The following LCLAT1 variants were observed in gnomAD, a reference collection of about 807,000 sequenced individuals.
LCLAT1 encodes 1-AGP acyltransferase 8.
LCLAT1 carries 11 observed loss-of-function variants against 30.7 expected under a neutral mutation model. The observed-to-expected ratio is 0.36, with a 90% confidence interval of 0.23 to 0.59. The LOEUF (loss-of-function observed/expected upper bound fraction) is 0.59, where lower values mean the gene tolerates loss of function less well. LCLAT1 is among the 20% of genes least tolerant of loss of function. LCLAT1 has a pLI of 0.77. For missense variants in LCLAT1, 402 were observed against 458.6 expected (o/e 0.88, Z 1.13); for synonymous variants, 155 against 151.3 (o/e 1.02, Z -0.18).
rs1040649253 is a variant in LCLAT1 at position 30,623,984 on chromosome 2, A to T, written c.629-16133A>T. Among the ~76,000 whole-genome samples, 4 of 152,326 alleles carry T rather than the reference A, an allele frequency of 2.6e-5. No homozygotes were observed. In the East Asian group the frequency reaches 7.7e-4, roughly 29 times the overall value. ...CTTTAGCCTTCTTAAAACAATTACC[A>T]GCCAAGAATTTTGTATCCAGCGAAA... On this transcript the variant is annotated intron_variant, in intron 5 of 5. Coordinates refer to ENST00000379509, the MANE Select transcript of LCLAT1 (RefSeq NM_001002257.3).
At chr2:30,554,532 C>T (rs1008209944) in intron 3 of LCLAT1, among the ~76,000 whole-genome samples, 16 of 152,112 alleles carry the variant, frequency 1.1e-4, no homozygotes, top group African/African-American at 3.1e-4. Flanking sequence ...GTCTTTAGCC[C>T]TCATGTCTCT....
intron 5 of LCLAT1, among the ~76,000 whole-genome samples, chr2:30,573,801 C>T (rs1285986986): frequency 6.6e-6 from 1 of 152,142 alleles, no homozygotes; most frequent in Admixed American, 6.5e-5. Context: ...CTCAAGCCTT[C>T]AGCACAGGGC....
intron 4 of LCLAT1, among the ~76,000 whole-genome samples, chr2:30,563,952 G>T (rs1198912797): frequency 6.6e-6 from 1 of 152,110 alleles, no homozygotes; most frequent in Non-Finnish European, 1.5e-5. Context: ...TTTTATACTA[G>T]TCAGATCTCT....
chr2:30,461,092 A>G lies in LCLAT1; in HGVS notation c.-5+13709A>G, dbSNP rs114770518. ...TTTCTGTGAGAATCGTTGAAACTGA[A>G]GGGAGGTTTTGGGAATCTCTGAATT... is the stretch of plus-strand genomic sequence containing the variant. On this transcript the variant is annotated intron_variant, in intron 1 of 5. Coordinates refer to ENST00000379509, the MANE Select transcript of LCLAT1 (RefSeq NM_001002257.3). Among the ~76,000 whole-genome samples the G allele has an allele frequency of 8.3e-3, 1,271 of 152,310 alleles. 23 individuals carry two copies. The highest frequency in any genetic ancestry group is 0.029 in the African/African-American group (1,220 of 41,556).
chr2:30,523,751 C>T (rs115122596), intron 1 of LCLAT1, among the ~76,000 whole-genome samples: 2,730 of 152,242 alleles, frequency 0.018, 79 homozygotes, highest in African/African-American at 0.061. Context: ...GTCTGTAATC[C>T]TGGCTACTCC....
chr2:30,586,845 TAAAA>T (rs1425841470), intron 5 of LCLAT1, among the ~76,000 whole-genome samples: 2 of 152,068 alleles, frequency 1.3e-5, no homozygotes, highest in African/African-American at 2.4e-5. Context: ...AAAAAAGACT[TAAAA>T]AAAACCATGC....
At chr2:30,614,562 C>CA (rs1667901902) in intron 5 of LCLAT1, among the ~76,000 whole-genome samples, 1 of 152,088 alleles carries the variant, frequency 6.6e-6, no homozygotes, top group South Asian at 2.1e-4. Context: ...TTAACTGCAA[C>CA]AAAGACTGTG....
At chr2:30,630,234 C>T (rs1394855160) in intron 5 of LCLAT1, among the ~76,000 whole-genome samples, 1 of 152,156 alleles carries the variant, frequency 6.6e-6, no homozygotes, top group Non-Finnish European at 1.5e-5. Context: ...ATCAGGGCCT[C>T]ACCTTTTTTG....
chr2:30,477,808 T>C (rs1683123709), intron 1 of LCLAT1, among the ~76,000 whole-genome samples: 1 of 152,196 alleles, frequency 6.6e-6, no homozygotes, highest in Non-Finnish European at 1.5e-5. Context: ...CCGAGAAGAA[T>C]ATTTTAATGA....
chr2:30,603,485 A>C (rs1244187934), intron 5 of LCLAT1, among the ~76,000 whole-genome samples: 1 of 151,818 alleles, frequency 6.6e-6, no homozygotes, highest in African/African-American at 2.4e-5. Flanking sequence ...TTTTTTTTGA[A>C]GGAAAATGGT....
Position 30,600,121 on chromosome 2 carries a change from A to G in LCLAT1, c.628+31945A>G, listed in dbSNP as rs1024644447. On this transcript the variant is annotated intron_variant, in intron 5 of 5. Coordinates refer to ENST00000379509, the MANE Select transcript of LCLAT1 (RefSeq NM_001002257.3). ...AAGGCAGGCCTGGTTGTGACAGATT[A>G]CCTCAGCATCTGCTTGTCTGTAAAG... is the stretch of plus-strand genomic sequence containing the variant. Among the ~76,000 whole-genome samples, 8 of 152,160 alleles carry G rather than the reference A, an allele frequency of 5.3e-5. 1 individual carries two copies. The South Asian group carries it at 1.7e-3, about 32-fold the overall frequency.
chr2:30,459,772 A>G (rs754520493), intron 1 of LCLAT1: 6 of 1,205,676 alleles, frequency 5.0e-6, no homozygotes, highest in South Asian at 2.4e-5. Flanking sequence ...CTTGCTTCAT[A>G]TATCTGAACA....
chr2:30,524,625 T>C (rs1685621616), intron 1 of LCLAT1, among the ~76,000 whole-genome samples: 1 of 152,192 alleles, frequency 6.6e-6, no homozygotes, highest in African/African-American at 2.4e-5. Flanking sequence ...AATTATCCCT[T>C]TGTCCAGTGC....
intron 1 of LCLAT1, among the ~76,000 whole-genome samples, chr2:30,508,169 T>C (rs1239113677): frequency 6.6e-6 from 1 of 152,202 alleles, no homozygotes; most frequent in Admixed American, 6.5e-5. Context: ...TTTTTATAGA[T>C]GCTGGATATT....
intron 4 of LCLAT1, among the ~76,000 whole-genome samples, chr2:30,565,510 T>A (rs1447683960): frequency 6.6e-6 from 1 of 152,206 alleles, no homozygotes. Context: ...CCTATTAAAG[T>A]TGACATATAA....
rs976978376 is a variant in LCLAT1 at position 30,643,969 on chromosome 2, C to T, written c.*3350C>T. 3.9e-5 allele frequency: 6 copies of T among 152,506 alleles called. No homozygotes were observed. Among genetic ancestry groups the T allele is most frequent in the African/African-American group, 9.7e-5 (4 of 41,428 alleles). 9.4% of individuals were successfully genotyped at this position (152,506 alleles called of 1,614,324 possible). A position where few individuals can be genotyped will look rare whatever the true frequency, so the allele number is the denominator to read the frequency against. Reference sequence around the variant, plus strand: ...GAGCTGTTATTTATGCTGTAGAAAACGAAAATGGTTTTGCTACCTGATAAG... The same window carrying T: ...GAGCTGTTATTTATGCTGTAGAAAATGAAAATGGTTTTGCTACCTGATAAG... On this transcript the variant is annotated 3_prime_UTR_variant, in exon 6 of 6. Coordinates refer to ENST00000379509, the MANE Select transcript of LCLAT1 (RefSeq NM_001002257.3).
Position 30,555,977 on chromosome 2 carries a change from A to G in LCLAT1, c.365-6169A>G, listed in dbSNP as rs536531451. Among the ~76,000 whole-genome samples the G allele has an allele frequency of 1.6e-4, 24 of 152,024 alleles. No individual in the cohort carries two copies. In the East Asian group the frequency reaches 4.5e-3, roughly 28 times the overall value. ...CTCAGCCTCCGGAATAGCTGGGGCA[A>G]TAGAGACGGGGTTTCACCATGTTAG... On this transcript the variant is annotated intron_variant, in intron 3 of 5. Transcript: ENST00000379509.
At chr2:30,572,535 T>C (rs185030255) in intron 5 of LCLAT1, among the ~76,000 whole-genome samples, 6 of 152,312 alleles carry the variant, frequency 3.9e-5, no homozygotes, top group African/African-American at 1.2e-4. Context: ...TAGGTGGTAG[T>C]TTGCTTTGTG....
intron 1 of LCLAT1, among the ~76,000 whole-genome samples, chr2:30,517,747 G>T (rs1685252173): frequency 6.6e-6 from 1 of 152,124 alleles, no homozygotes; most frequent in Non-Finnish European, 1.5e-5. Flanking sequence ...GAAACAAAGG[G>T]AGTCAGAGAG....
Sources: gnomAD v4.1 joint callset for allele counts (sites outside exome capture counted in the v4.1 genomes callset) on GRCh38, gnomAD v4.1.1 for gene constraint, MANE v1.5 for transcripts, NCBI Gene and HGNC (gene_info 2026-07-23, HGNC 2026-07-21) for gene names.